CIAPIN1: variants seen among roughly 807,000 people sequenced by gnomAD.
CIAPIN1 encodes the protein cytokine induced apoptosis inhibitor 1, also known as anamorsin.
A neutral mutation model predicts 34.3 loss-of-function variants in CIAPIN1; 18 were observed. The observed-to-expected ratio is 0.52, with a 90% CI of 0.36 to 0.78. The LOEUF is 0.78. CIAPIN1 is among the 30% of genes least tolerant of loss of function. The pLI, the probability that CIAPIN1 is intolerant of heterozygous loss-of-function variation, is 0.00. For synonymous variants in CIAPIN1, 131 were observed against 140.4 expected, an observed-to-expected ratio of 0.93 and a Z score of 0.47; for missense variants, 310 against 372.5, an observed-to-expected ratio of 0.83 and a Z score of 1.38.
At position 57,432,505 on chromosome 16, in the gene CIAPIN1, A is replaced by G. The variant is rs1903110370; in HGVS notation, c.612T>C (p.Asp204=). Reference sequence around the variant, plus strand: ...AGCTCACCATGCTGTCGTCCTCCATATCGTTGGCTGAGAGGGTCCACAGCT... The same window carrying G: ...AGCTCACCATGCTGTCGTCCTCCATGTCGTTGGCTGAGAGGGTCCACAGCT... ...AAKLWTLSAN[D]MEDDSMDLID... is the part of the protein sequence containing the mutation. The change falls in exon 6 of 9, where the codon GAT becomes GAC. Residue 204 remains aspartate (D), a synonymous_variant. Transcript: ENST00000394391. 2 of 1,613,658 alleles carry G rather than the reference A, an allele frequency of 1.2e-6. No individual in the cohort carries two copies. The highest frequency in any genetic ancestry group is 1.7e-6 in the Non-Finnish European group (2 of 1,179,906).
intron 3 of CIAPIN1, 64 bp from the exon 4 acceptor site, chr16:57,436,796 C>T: frequency 7.2e-7 from 1 of 1,382,358 alleles, no homozygotes. Flanking sequence ...AATAAAGGCT[C>T]AATCCTATAT....
chr16:57,430,086 C>T (rs1251543768), intron 8 of CIAPIN1, among the ~76,000 whole-genome samples, 172 bp downstream of exon 8: 1 of 152,164 alleles, frequency 6.6e-6, no homozygotes, highest in African/African-American at 2.4e-5. Flanking sequence ...GCACGCTAAC[C>T]CACTCTCACT....
At chr16:57,436,067 G>C (rs543288114) in intron 4 of CIAPIN1, among the ~76,000 whole-genome samples, 3 of 152,302 alleles carry the variant, frequency 2.0e-5, no homozygotes, top group African/African-American at 4.8e-5. Context: ...CTAGGATTCG[G>C]GTCTACTGAG....
At chr16:57,443,139 T>TTC (rs1555513614) in intron 1 of CIAPIN1, among the ~76,000 whole-genome samples, 1 of 150,090 alleles carries the variant, frequency 6.7e-6, no homozygotes, top group East Asian at 1.9e-4. Context: ...TTTTGTTTTT[T>TTC]TTTTTTTTTT....
intron 3 of CIAPIN1, among the ~76,000 whole-genome samples, chr16:57,437,512 TTTATTATTA>T (rs145423746): frequency 2.7e-5 from 4 of 150,000 alleles, no homozygotes; most frequent in African/African-American, 7.4e-5. Flanking sequence ...GTGATATTAT[TTTATTATTA>T]TTATTATTAT....
intron 5 of CIAPIN1, chr16:57,433,546 T>TGTGTGTGC (rs1555513065): frequency 9.4e-5 from 17 of 181,490 alleles, no homozygotes; most frequent in African/African-American, 4.1e-4. Flanking sequence ...TGTGTGTGCG[T>TGTGTGTGC]GCGCGTGCGT....
chr16:57,431,428 C>A, intron 6 of CIAPIN1, 162 bp from the exon 7 acceptor site: 1 of 521,790 alleles, frequency 1.9e-6, no homozygotes, highest in South Asian at 2.9e-5. Context: ...ACCACATGCT[C>A]AAGAGGCCAA....
intron 5 of CIAPIN1, among the ~76,000 whole-genome samples, chr16:57,433,484 AG>A (rs1440723274): frequency 6.6e-5 from 10 of 152,340 alleles, no homozygotes; most frequent in African/African-American, 2.4e-4. Flanking sequence ...GGGTCAATTC[AG>A]GCATTTAAAA....
At chr16:57,443,151 C>CG in intron 1 of CIAPIN1, among the ~76,000 whole-genome samples, 1 of 78,254 alleles carries the variant, frequency 1.3e-5, no homozygotes, top group South Asian at 4.2e-4. Context: ...TTTTTTTTTG[C>CG]GGGGGTGGTG....
In CIAPIN1 at chr16:57,431,300, C is replaced by T. The variant is rs373063728; in HGVS notation, c.631-34G>A. 6.1e-5 allele frequency: 88 copies of T among 1,437,170 alleles called. No individual in the cohort carries two copies. In the Admixed American group the frequency reaches 1.4e-3, roughly 22 times the overall value. 89.0% of individuals were successfully genotyped at this position (1,437,170 alleles called of 1,614,324 possible). On this transcript the variant is annotated intron_variant, in intron 6 of 8. Transcript: ENST00000394391. ...TGTTCAAAGCAATGAGTGATACAGT[C>T]GTGGTCTCTGCTAATGAAAAGCTAA...
At chr16:57,431,579 A>G in intron 6 of CIAPIN1, 1 of 194,760 alleles carries the variant, frequency 5.1e-6, no homozygotes, top group Non-Finnish European at 1.1e-5. Flanking sequence ...AGGAGTGGGG[A>G]GAAGGGAGGG....
At chr16:57,446,154 A>C (rs566496294) in intron 1 of CIAPIN1, among the ~76,000 whole-genome samples, 1 of 152,270 alleles carries the variant, frequency 6.6e-6, no homozygotes, top group South Asian at 2.1e-4. Context: ...TTTTTTTAAA[A>C]AGTGAGAATC....
chr16:57,440,705 C>T, intron 2 of CIAPIN1, 67 bp downstream of exon 2: 1 of 1,498,994 alleles, frequency 6.7e-7, no homozygotes, highest in South Asian at 1.3e-5. Context: ...ATCAAGGAAC[C>T]ACAGAAATGC....
Position 57,429,017 on chromosome 16 carries a change from C to A in CIAPIN1, c.*153G>T, listed in dbSNP as rs553581852. 4.7e-5 allele frequency: 29 copies of A among 620,090 alleles called. 1 individual carries two copies. Among genetic ancestry groups the A allele is most frequent in the Non-Finnish European group, 7.9e-5 (27 of 342,324 alleles). The allele number at this position is 620,090 out of a possible 1,614,324, so 38.4% of individuals were successfully genotyped here. A position where few individuals can be genotyped will look rare whatever the true frequency, so the allele number is the denominator to read the frequency against. On this transcript the variant is annotated 3_prime_UTR_variant, in exon 9 of 9. Coordinates refer to ENST00000394391, the MANE Select transcript of CIAPIN1 (RefSeq NM_020313.4). ...ACAGCAGCACTACACACCACTGTGCCCCCCAGCCAGCTTCACTCTGTCTGC... is the reference window on the plus strand; with the variant it reads ...ACAGCAGCACTACACACCACTGTGCACCCCAGCCAGCTTCACTCTGTCTGC...
chr16:57,443,178 A>T (rs1427401468), intron 1 of CIAPIN1, among the ~76,000 whole-genome samples: 19 of 131,426 alleles, frequency 1.4e-4, no homozygotes, highest in Non-Finnish European at 1.6e-5. Context: ...ACAGAGTTTC[A>T]CTCTTGTTGT....
intron 1 of CIAPIN1, among the ~76,000 whole-genome samples, chr16:57,441,633 G>A (rs543262353): frequency 5.9e-5 from 9 of 152,278 alleles, no homozygotes; most frequent in East Asian, 1.9e-4. Context: ...GGCAATTTAC[G>A]TTGCCCAAGT....
chr16:57,433,961 C>T (rs757093212), intron 5 of CIAPIN1, 83 bp downstream of exon 5: 24 of 1,201,644 alleles, frequency 2.0e-5, no homozygotes, highest in Non-Finnish European at 2.8e-5. Flanking sequence ...AAAAATATCA[C>T]CATCTCATTT....
chr16:57,447,175 G>C (rs574018986), intron 1 of CIAPIN1, among the ~76,000 whole-genome samples, 167 bp downstream of exon 1: 1 of 152,288 alleles, frequency 6.6e-6, no homozygotes, highest in South Asian at 2.1e-4. Context: ...CCCTCACACC[G>C]ACTTCTCAGG....
chr16:57,440,708 A>C, intron 2 of CIAPIN1, 64 bp downstream of exon 2: 1 of 1,506,728 alleles, frequency 6.6e-7, no homozygotes, highest in South Asian at 1.3e-5. Context: ...AAGGAACCAC[A>C]GAAATGCAAC....
Sources: gnomAD v4.1 joint callset for allele counts (sites outside exome capture counted in the v4.1 genomes callset) on GRCh38, gnomAD v4.1.1 for gene constraint, MANE v1.5 for transcripts, NCBI Gene and HGNC (gene_info 2026-07-23, HGNC 2026-07-21) for gene names.